Variants in TRPM3 observed in about 807,000 individuals in gnomAD.
TRPM3 encodes long transient receptor potential channel 3.
A neutral mutation model predicts 181.2 loss-of-function variants in TRPM3; 77 were observed. The observed-to-expected ratio is 0.42, with a 90% CI of 0.35 to 0.51. The LOEUF is 0.51. Among genes scored for constraint, TRPM3 ranks in the 20% least tolerant of loss-of-function variants. The pLI is 0.01. For missense variants in TRPM3, 1,759 were observed against 2,196.7 expected, an observed-to-expected ratio of 0.80 and a Z score of 3.98; for synonymous variants, 745 against 796.4, an observed-to-expected ratio of 0.94 and a Z score of 1.09.
chr9:70,988,299 A>G (rs1437166391), intron 1 of TRPM3, among the ~76,000 whole-genome samples: 1 of 152,206 alleles, frequency 6.6e-6, no homozygotes, highest in Non-Finnish European at 1.5e-5. Context: ...CTTTGAATCC[A>G]GATACTCTTA....
chr9:71,086,807 A>G (rs1285212437), intron 1 of TRPM3, among the ~76,000 whole-genome samples: 2 of 151,972 alleles, frequency 1.3e-5, no homozygotes, highest in Non-Finnish European at 2.9e-5. Context: ...ATGCTAACTT[A>G]ATATTCTAGG....
intron 1 of TRPM3, among the ~76,000 whole-genome samples, chr9:71,287,257 C>T (rs191598524): frequency 2.3e-4 from 35 of 151,198 alleles, no homozygotes; most frequent in African/African-American, 8.2e-4. Context: ...GAAACAATAC[C>T]TGTATGTATT....
At chr9:70,576,346 A>G (rs1379842382) in intron 22 of TRPM3, among the ~76,000 whole-genome samples, 1 of 152,124 alleles carries the variant, frequency 6.6e-6, no homozygotes, top group Non-Finnish European at 1.5e-5. Flanking sequence ...TGTGTCTTGA[A>G]TAGCTGCAGA....
chr9:71,362,005 C>A (rs2092167025), intron 1 of TRPM3, among the ~76,000 whole-genome samples: 1 of 152,138 alleles, frequency 6.6e-6, no homozygotes, highest in Non-Finnish European at 1.5e-5. Flanking sequence ...AGCCAGAGAA[C>A]CAAGGCTCAG....
At chr9:70,916,468 A>G (rs2096595651) in intron 1 of TRPM3, among the ~76,000 whole-genome samples, 1 of 152,216 alleles carries the variant, frequency 6.6e-6, no homozygotes, top group Non-Finnish European at 1.5e-5. Flanking sequence ...AGGTATAAAT[A>G]GAAACAACAA....
chr9:70,886,710 G>T (rs2096089819), intron 1 of TRPM3, among the ~76,000 whole-genome samples: 1 of 151,780 alleles, frequency 6.6e-6, no homozygotes, highest in South Asian at 2.1e-4. Context: ...TGTCGCCCAG[G>T]CTGGAGTGTA....
chr9:71,415,186 G>T (rs913998025), intron 1 of TRPM3, among the ~76,000 whole-genome samples: 1 of 152,080 alleles, frequency 6.6e-6, no homozygotes, highest in African/African-American at 2.4e-5. Context: ...GATAGCCCAA[G>T]AGAAGCTGGA....
Position 70,691,468 on chromosome 9 carries a change from T to C in TRPM3, c.1273-9890A>G, listed in dbSNP as rs1200672781. Among the ~76,000 whole-genome samples the C allele has an allele frequency of 3.9e-5, 6 of 152,290 alleles. No homozygotes were observed. In the East Asian group the frequency reaches 1.2e-3, roughly 29 times the overall value. On this transcript the variant is annotated intron_variant, in intron 8 of 25. Coordinates refer to ENST00000677713, the MANE Select transcript of TRPM3 (RefSeq NM_001366145.2). The stretch of plus-strand genomic sequence containing the variant: ...TTTAAGTAGGAGATTGTCTTATAGA[T>C]TCAAGCACACTCACAGCACCACTCA...
chr9:71,159,591 T>C (rs935311952), intron 1 of TRPM3, among the ~76,000 whole-genome samples: 4 of 152,100 alleles, frequency 2.6e-5, no homozygotes, highest in Admixed American at 6.6e-5. Flanking sequence ...AAGAAAGTTA[T>C]TATATAACTG....
intron 8 of TRPM3, among the ~76,000 whole-genome samples, chr9:70,752,577 C>T (rs965215452): frequency 4.6e-5 from 7 of 151,926 alleles, no homozygotes; most frequent in Non-Finnish European, 7.4e-5. Flanking sequence ...TGCATAATGA[C>T]GTTTCAGTCA....
chr9:70,795,565 T>C (rs1274955811), intron 6 of TRPM3, among the ~76,000 whole-genome samples: 3 of 152,232 alleles, frequency 2.0e-5, no homozygotes, highest in Non-Finnish European at 4.4e-5. Flanking sequence ...TTCTCGTGTG[T>C]CCAAAAGGCT....
chr9:71,222,845 T>C (rs776394394), intron 1 of TRPM3, among the ~76,000 whole-genome samples: 2 of 152,050 alleles, frequency 1.3e-5, no homozygotes, highest in African/African-American at 4.8e-5. Context: ...AGAGGGAACA[T>C]TTAGACCAGC....
At chr9:70,911,403 G>A (rs913786397) in intron 1 of TRPM3, among the ~76,000 whole-genome samples, 1 of 152,106 alleles carries the variant, frequency 6.6e-6, no homozygotes, top group Non-Finnish European at 1.5e-5. Context: ...CTCCCTTCCA[G>A]AGTAATTTCA....
At chr9:71,100,289 G>A (rs1169851475) in intron 1 of TRPM3, among the ~76,000 whole-genome samples, 1 of 152,026 alleles carries the variant, frequency 6.6e-6, no homozygotes, top group Non-Finnish European at 1.5e-5. Context: ...TACCCTAAAT[G>A]AGTAGACAAT....
intron 1 of TRPM3, among the ~76,000 whole-genome samples, chr9:71,287,065 TTATA>T (rs2085358662): frequency 1.4e-5 from 2 of 141,376 alleles, no homozygotes; most frequent in South Asian, 4.3e-4. Flanking sequence ...ATTATATAAT[TTATA>T]TATTATATAT....
At chr9:70,836,773 A>ATAATGACTT (rs1452205925) in intron 5 of TRPM3, among the ~76,000 whole-genome samples, 1 of 152,176 alleles carries the variant, frequency 6.6e-6, no homozygotes, top group African/African-American at 2.4e-5. Context: ...CCCATCCACC[A>ATAATGACTT]TAATGACTTT....
At chr9:71,015,727 G>T (rs1407763008) in intron 1 of TRPM3, among the ~76,000 whole-genome samples, 3 of 151,966 alleles carry the variant, frequency 2.0e-5, no homozygotes, top group African/African-American at 7.3e-5. Flanking sequence ...TTATAATAGG[G>T]TAAATGAAAA....
At chr9:70,926,152 G>T (rs1355583657) in intron 1 of TRPM3, among the ~76,000 whole-genome samples, 2 of 152,036 alleles carry the variant, frequency 1.3e-5, no homozygotes, top group Non-Finnish European at 2.9e-5. Flanking sequence ...GATCACACTG[G>T]CAAGGAGAGG....
At chr9:70,892,867 G>C (rs554932424) in intron 1 of TRPM3, among the ~76,000 whole-genome samples, 1 of 152,208 alleles carries the variant, frequency 6.6e-6, no homozygotes, top group Admixed American at 6.5e-5. Context: ...TAATATTACA[G>C]GTTTCTTGTT....
Sources: allele counts gnomAD v4.1 joint callset (sites outside exome capture counted in the v4.1 genomes callset), GRCh38; gene constraint gnomAD v4.1.1; transcripts MANE v1.5; gene names NCBI Gene and HGNC (gene_info 2026-07-23, HGNC 2026-07-21).